BBS9: variants seen among roughly 807,000 people sequenced by gnomAD.
BBS9 encodes the protein Bardet-Biedl syndrome 9.
In BBS9, 89 loss-of-function variants were observed where a neutral mutation model predicts 117.7. The ratio of observed to expected loss-of-function variants is 0.76; its 90% CI spans 0.64 to 0.90. The LOEUF (loss-of-function observed/expected upper bound fraction) is 0.90, where lower values mean the gene tolerates loss of function less well. BBS9 is among the 40% of genes least tolerant of loss of function. BBS9 has a pLI of 0.00. For missense variants in BBS9, 982 were observed against 1,042.2 expected, an observed-to-expected ratio of 0.94 and a Z score of 0.80; for synonymous variants, 379 against 370.9, an observed-to-expected ratio of 1.02 and a Z score of -0.25.
At chr7:33,230,968 T>C (rs1294402873) in intron 5 of BBS9, among the ~76,000 whole-genome samples, 1 of 152,178 alleles carries the variant, frequency 6.6e-6, no homozygotes, top group Non-Finnish European at 1.5e-5. Context: ...TTATGGTATA[T>C]CTGCTTTTAG....
chr7:33,134,388 T>C (rs1231879765), intron 1 of BBS9, among the ~76,000 whole-genome samples: 2 of 151,864 alleles, frequency 1.3e-5, no homozygotes, highest in Admixed American at 6.6e-5. Context: ...TATGTTCTTA[T>C]TGGCCATTTG....
rs556731160 is a variant in BBS9 at position 33,316,034 on chromosome 7, G to A, written c.1017-20407G>A. On this transcript the variant is annotated intron_variant, in intron 9 of 22. Coordinates refer to ENST00000242067, the MANE Select transcript of BBS9 (RefSeq NM_198428.3). ...GCACTTTTGACAAATGGTTGTATCTGTCTCATCCACACGTCTCTCAAGTTA... is the reference window on the plus strand; with the variant it reads ...GCACTTTTGACAAATGGTTGTATCTATCTCATCCACACGTCTCTCAAGTTA... 8.5e-5 allele frequency among the ~76,000 whole-genome samples: 13 copies of A among 152,208 alleles called. No homozygotes were observed. In the South Asian group the frequency reaches 2.7e-3, roughly 32 times the overall value.
At chr7:33,320,014 A>T (rs1429318112) in intron 9 of BBS9, among the ~76,000 whole-genome samples, 1 of 152,122 alleles carries the variant, frequency 6.6e-6, no homozygotes, top group African/African-American at 2.4e-5. Context: ...GGTACAGGAG[A>T]TGTTTTGATA....
downstream of BBS9, among the ~76,000 whole-genome samples, chr7:33,610,987 T>A (rs1864825269): frequency 6.6e-6 from 1 of 152,056 alleles, no homozygotes; most frequent in Non-Finnish European, 1.5e-5. Flanking sequence ...AGGGACTGAG[T>A]CAGTCTTGTA....
At chr7:33,241,831 C>G (rs1253708479) in intron 5 of BBS9, among the ~76,000 whole-genome samples, 2 of 151,638 alleles carry the variant, frequency 1.3e-5, no homozygotes, top group East Asian at 3.9e-4. Context: ...TTTTTAATAC[C>G]TGCTTTTATT....
chr7:33,148,376 G>C (rs1032634118), intron 2 of BBS9, among the ~76,000 whole-genome samples: 8 of 152,118 alleles, frequency 5.3e-5, no homozygotes, highest in African/African-American at 1.9e-4. Flanking sequence ...AGCAGGCAGA[G>C]AGGCAGGAAA....
intron 17 of BBS9, among the ~76,000 whole-genome samples, chr7:33,375,264 AAG>A (rs1490797406): frequency 6.6e-6 from 1 of 152,212 alleles, no homozygotes; most frequent in Non-Finnish European, 1.5e-5. Context: ...TACAAAAGAA[AAG>A]AGATAAACAA....
intron 21 of BBS9, among the ~76,000 whole-genome samples, chr7:33,626,293 A>G (rs889326957): frequency 2.0e-5 from 3 of 152,310 alleles, no homozygotes; most frequent in Admixed American, 1.3e-4. Flanking sequence ...TGCCTGCAGA[A>G]CTGTGAAGTC....
At chr7:33,140,259 C>T (rs1384286045) in intron 1 of BBS9, among the ~76,000 whole-genome samples, 3 of 152,192 alleles carry the variant, frequency 2.0e-5, no homozygotes, top group South Asian at 4.1e-4. Flanking sequence ...CTCCTGACCT[C>T]GTGATCTGCC....
At chr7:33,621,955 A>C (rs1365039026) in intron 21 of BBS9, among the ~76,000 whole-genome samples, 1 of 152,208 alleles carries the variant, frequency 6.6e-6, no homozygotes, top group Non-Finnish European at 1.5e-5. Context: ...CATGCCTGTA[A>C]TTCCAGCTCT....
intron 6 of BBS9, among the ~76,000 whole-genome samples, chr7:33,260,304 G>C (rs538238144): frequency 2.0e-5 from 3 of 152,100 alleles, no homozygotes; most frequent in Non-Finnish European, 4.4e-5. Context: ...GCCCGGCCTA[G>C]ATATTTTATT....
intron 17 of BBS9, among the ~76,000 whole-genome samples, chr7:33,372,234 G>A (rs1181801155): frequency 6.6e-6 from 1 of 152,174 alleles, no homozygotes; most frequent in African/African-American, 2.4e-5. Context: ...CTAAAGTGGA[G>A]AGAAGACCAA....
chr7:33,518,942 T>C (rs548697047), intron 20 of BBS9, among the ~76,000 whole-genome samples: 9 of 152,010 alleles, frequency 5.9e-5, no homozygotes, highest in Non-Finnish European at 1.2e-4. Flanking sequence ...TTGAAGAAAA[T>C]AGAAATAGAA....
chr7:33,202,766 C>T (rs1287453259), intron 5 of BBS9, among the ~76,000 whole-genome samples: 4 of 152,160 alleles, frequency 2.6e-5, no homozygotes, highest in Non-Finnish European at 4.4e-5. Flanking sequence ...GGCACCTCCT[C>T]CAACATTGGG....
intron 19 of BBS9, 61 bp from the exon 20 acceptor site, chr7:33,505,402 A>G: frequency 1.3e-6 from 2 of 1,541,198 alleles, no homozygotes; most frequent in South Asian, 1.1e-5. Flanking sequence ...TGCCAGACAT[A>G]ATTTGTTGAG....
At chr7:33,450,864 GTTT>G (rs144231724) in intron 19 of BBS9, among the ~76,000 whole-genome samples, 3 of 140,276 alleles carry the variant, frequency 2.1e-5, no homozygotes, top group East Asian at 6.2e-4. Flanking sequence ...CTGTTCAGAA[GTTT>G]TTTTTTTTTG....
intron 5 of BBS9, among the ~76,000 whole-genome samples, chr7:33,232,916 C>T (rs999812516): frequency 3.3e-5 from 5 of 152,176 alleles, no homozygotes; most frequent in African/African-American, 7.2e-5. Context: ...TAAGGAAAGT[C>T]GTAACTCTCA....
chr7:33,317,841 T>A (rs765966174), intron 9 of BBS9, among the ~76,000 whole-genome samples: 4 of 152,140 alleles, frequency 2.6e-5, no homozygotes, highest in Admixed American at 1.3e-4. Flanking sequence ...CACATGAAGC[T>A]AGGAACTTAA....
At chr7:33,430,810 C>A (rs1004154244) in intron 19 of BBS9, among the ~76,000 whole-genome samples, 5 of 152,162 alleles carry the variant, frequency 3.3e-5, no homozygotes, top group African/African-American at 1.2e-4. Context: ...CCCTTGTTGG[C>A]TGTTTGCACA....
Sources: gnomAD v4.1 joint callset for allele counts (sites outside exome capture counted in the v4.1 genomes callset) on GRCh38, gnomAD v4.1.1 for gene constraint, MANE v1.5 for transcripts, NCBI Gene and HGNC (gene_info 2026-07-23, HGNC 2026-07-21) for gene names.